The following FBLN2 variants were observed in gnomAD, a reference collection of about 807,000 sequenced individuals.
The protein encoded by FBLN2 is fibulin-2.
Under a neutral mutation model 123.7 loss-of-function variants are expected in FBLN2, and 81 were observed. That is an observed-to-expected ratio of 0.65 (90% CI 0.55 to 0.79). The LOEUF is 0.79. Among genes scored for constraint, FBLN2 ranks in the 30% least tolerant of loss-of-function variants. FBLN2 has a pLI of 0.00. For synonymous variants in FBLN2, 699 were observed against 701.4 expected (o/e 1.00, Z 0.05); for missense variants, 1,603 against 1,681.3 (o/e 0.95, Z 0.81).
chr3:13,623,355 CA>C (rs1705921243), intron 9 of FBLN2, among the ~76,000 whole-genome samples: 2 of 152,326 alleles, frequency 1.3e-5, no homozygotes, highest in South Asian at 4.1e-4. Flanking sequence ...GATCCCCAGG[CA>C]GCTGCAAAGT....
At chr3:13,621,393 C>A (rs1705845077) in intron 8 of FBLN2, among the ~76,000 whole-genome samples, 1 of 152,142 alleles carries the variant, frequency 6.6e-6, no homozygotes, top group African/African-American at 2.4e-5. Flanking sequence ...CCCTGTGGGC[C>A]CTTCCCTGGT....
chr3:13,624,710 A>G (rs1290206406), intron 9 of FBLN2, among the ~76,000 whole-genome samples: 1 of 152,184 alleles, frequency 6.6e-6, no homozygotes, highest in African/African-American at 2.4e-5. Flanking sequence ...CTCTGGCCAG[A>G]GCCCCCAAGC....
rs573052769 is a variant in FBLN2 at position 13,630,701 on chromosome 3, G to T, written c.2971G>T (p.Val991Leu). ...ACTGCCTGCTGGTGTCCCTGCAGAC[G>T]TGAATGAGTGTGAGGCCCAGCGCTG... ...LAADGKRCED[V>L]NECEAQRCSQ... Residue 991 changes from valine to leucine, a missense_variant and splice_region_variant, in exon 15 of 18, where the codon GTG becomes TTG. Val to Leu is a conservative substitution (Grantham distance 32, BLOSUM62 1). Transcript: ENST00000404922. The T allele has an allele frequency of 1.2e-6, 2 of 1,600,826 alleles. No individual in the cohort carries two copies. Among genetic ancestry groups the T allele is most frequent in the Non-Finnish European group, 1.7e-6 (2 of 1,173,474 alleles).
intron 2 of FBLN2, among the ~76,000 whole-genome samples, chr3:13,582,259 G>A (rs983649766): frequency 4.6e-5 from 7 of 152,194 alleles, no homozygotes; most frequent in Non-Finnish European, 7.3e-5. Flanking sequence ...AGCAGATGCG[G>A]CTTTCCTGAG....
chr3:13,595,283 A>AG (rs1268326974), intron 2 of FBLN2, among the ~76,000 whole-genome samples: 1 of 152,016 alleles, frequency 6.6e-6, no homozygotes, highest in East Asian at 1.9e-4. Context: ...GCCGGTGCTG[A>AG]GGGGGCTGGC....
chr3:13,605,950 T>A (rs1235244751), intron 2 of FBLN2, among the ~76,000 whole-genome samples: 1 of 152,070 alleles, frequency 6.6e-6, no homozygotes, highest in Non-Finnish European at 1.5e-5. Flanking sequence ...TGAGACAGAG[T>A]CTCATTCTGT....
At chr3:13,598,447 G>A (rs1254031445) in intron 2 of FBLN2, among the ~76,000 whole-genome samples, 2 of 152,212 alleles carry the variant, frequency 1.3e-5, no homozygotes, top group African/African-American at 4.8e-5. Context: ...TGCTCATCTT[G>A]TGACCCTGGT....
chr3:13,602,298 G>A (rs1380222968), intron 2 of FBLN2, among the ~76,000 whole-genome samples: 4 of 152,134 alleles, frequency 2.6e-5, no homozygotes, highest in African/African-American at 7.2e-5. Context: ...CTTCCATTGA[G>A]CGCCTTGTCT....
chr3:13,561,376 C>A (rs1703595085), intron 1 of FBLN2, among the ~76,000 whole-genome samples: 1 of 152,180 alleles, frequency 6.6e-6, no homozygotes, highest in African/African-American at 2.4e-5. Context: ...CAGTGACTGA[C>A]TGATCGCCCT....
intron 2 of FBLN2, among the ~76,000 whole-genome samples, chr3:13,573,941 A>AGCT (rs1704049350): frequency 6.6e-6 from 1 of 150,394 alleles, no homozygotes; most frequent in African/African-American, 2.4e-5. Context: ...GAGGTTGAAG[A>AGCT]GCTGAAGAAG....
chr3:13,574,128 C>T (rs564935983), intron 2 of FBLN2, among the ~76,000 whole-genome samples: 8 of 152,284 alleles, frequency 5.3e-5, no homozygotes, highest in African/African-American at 1.9e-4. Context: ...TGTTGAGGGG[C>T]GTCTGCAGTG....
intron 4 of FBLN2, 46 bp downstream of exon 4, chr3:13,609,688 G>GGC: frequency 1.6e-5 from 8 of 512,600 alleles, no homozygotes; most frequent in Admixed American, 2.7e-5. Flanking sequence ...GTGGGGCGGG[G>GGC]CGGGAGGCTG....
chr3:13,615,869 C>G (rs1445535276), intron 5 of FBLN2, among the ~76,000 whole-genome samples: 1 of 152,200 alleles, frequency 6.6e-6, no homozygotes, highest in Non-Finnish European at 1.5e-5. Flanking sequence ...TAGACCCAGT[C>G]AGCCTTGGTT....
intron 4 of FBLN2, among the ~76,000 whole-genome samples, chr3:13,612,452 C>T (rs1705437229): frequency 1.3e-5 from 2 of 151,928 alleles, no homozygotes; most frequent in African/African-American, 4.8e-5. Flanking sequence ...GCCATCTCAG[C>T]TCACTGCAAG....
chr3:13,632,440 G>T (rs1706289202), intron 16 of FBLN2, among the ~76,000 whole-genome samples: 1 of 152,236 alleles, frequency 6.6e-6, no homozygotes, highest in Admixed American at 6.5e-5. Flanking sequence ...AAGCAGAGGG[G>T]TCAGAGTTAG....
rs373632209 is a variant in FBLN2, at chr3:13,571,668, C to A, written c.1306+7C>A. The A allele has an allele frequency of 6.4e-7, 1 of 1,570,392 alleles. No individual in the cohort carries two copies. The highest frequency in any genetic ancestry group is 8.6e-7 in the Non-Finnish European group (1 of 1,157,914). ...CCCAGAAGTAGCCCTGAAGGTAAGA[C>A]CCTGTCCTGGTTCCTTCAGGGCACT... On this transcript the variant is annotated splice_region_variant and intron_variant, in intron 2 of 17. Transcript: ENST00000404922.
At chr3:13,618,782 A>G in intron 6 of FBLN2, 122 bp from the exon 7 acceptor site, 1 of 680,402 alleles carries the variant, frequency 1.5e-6, no homozygotes, top group South Asian at 1.9e-5. Flanking sequence ...TCTCCTGTGA[A>G]ATGGGGTGGG....
chr3:13,619,238 G>A (rs1705756096), intron 7 of FBLN2, among the ~76,000 whole-genome samples: 1 of 152,102 alleles, frequency 6.6e-6, no homozygotes, highest in African/African-American at 2.4e-5. Context: ...GGCCTGGTGT[G>A]TGACCCCAAA....
At position 13,594,219 on chromosome 3, in the gene FBLN2, C is replaced by T. The variant is rs547092331; in HGVS notation, c.1307-13843C>T. 6.6e-5 allele frequency among the ~76,000 whole-genome samples: 10 copies of T among 152,254 alleles called. 2 individuals carry two copies. In the South Asian group the frequency reaches 1.7e-3, roughly 25 times the overall value. ...GTGCGGTTAAACCCACCCTCCTTGACGTTTGGGGGCTGCTTGTTGAAACAT... is the reference window on the plus strand; with the variant it reads ...GTGCGGTTAAACCCACCCTCCTTGATGTTTGGGGGCTGCTTGTTGAAACAT... On this transcript the variant is annotated intron_variant, in intron 2 of 17. Transcript: ENST00000404922.
Sources: gnomAD v4.1 joint callset for allele counts (sites outside exome capture counted in the v4.1 genomes callset) on GRCh38, gnomAD v4.1.1 for gene constraint, MANE v1.5 for transcripts, NCBI Gene and HGNC (gene_info 2026-07-23, HGNC 2026-07-21) for gene names.